The following ABCA13 variants were observed in gnomAD, a reference collection of about 807,000 sequenced individuals.
The protein encoded by ABCA13 is ATP-binding cassette sub-family A member 13.
A neutral mutation model predicts 478.7 loss-of-function variants in ABCA13; 476 were observed. That is an observed-to-expected ratio of 0.99 (90% CI 0.92 to 1.07). The LOEUF (loss-of-function observed/expected upper bound fraction) is 1.07, where lower values mean the gene tolerates loss of function less well. Ranked by LOEUF, ABCA13 falls within the 50% of genes least tolerant of loss-of-function variation. ABCA13 has a pLI of 0.00. For synonymous variants in ABCA13, 2,252 were observed against 2,158.9 expected, an observed-to-expected ratio of 1.04 and a Z score of -1.20; for missense variants, 6,060 against 5,910.6, an observed-to-expected ratio of 1.03 and a Z score of -0.83.
intron 1 of ABCA13, among the ~76,000 whole-genome samples, chr7:48,184,835 GT>G (rs1178695873): frequency 6.6e-6 from 1 of 152,048 alleles, no homozygotes; most frequent in Non-Finnish European, 1.5e-5. Flanking sequence ...TAAAAAGACA[GT>G]TTCTTTCACT....
chr7:48,412,632 A>G, intron 41 of ABCA13, 49 bp downstream of exon 41: 8 of 1,458,162 alleles, frequency 5.5e-6, no homozygotes, highest in Non-Finnish European at 7.4e-6. Flanking sequence ...CTTTTTGACC[A>G]GTCCACATTA....
chr7:48,246,966 A>G (rs1791789877), intron 13 of ABCA13, among the ~76,000 whole-genome samples: 2 of 152,026 alleles, frequency 1.3e-5, no homozygotes, highest in African/African-American at 4.8e-5. Context: ...TGGGCATAGT[A>G]GCTCATGCCT....
rs117092776 is a variant in ABCA13, at chr7:48,610,306, C to T, written c.14745-4979C>T. 1.2e-3 allele frequency among the ~76,000 whole-genome samples: 185 copies of T among 152,332 alleles called. 1 individual carries two copies. In the East Asian group the frequency reaches 0.017, roughly 14 times the overall value. Reference sequence around the variant, plus strand: ...AAATTTTAAAGCTCCAAAATAATCTCCTTTGATTCCATGTCCCACATTCAG... The same window carrying T: ...AAATTTTAAAGCTCCAAAATAATCTTCTTTGATTCCATGTCCCACATTCAG... On this transcript the variant is annotated intron_variant, in intron 58 of 61. Transcript: ENST00000435803.
rs1219074677 is a variant in ABCA13 at position 48,524,131 on chromosome 7, C to T, written c.14052-117C>T. The T allele has an allele frequency of 4.4e-6, 4 of 916,616 alleles. No homozygotes were observed. In the African/African-American group the frequency reaches 5.1e-5, roughly 12 times the overall value. The allele number at this position is 916,616 out of a possible 1,614,324, so 56.8% of individuals were successfully genotyped here. On this transcript the variant is annotated intron_variant, in intron 53 of 61. Coordinates refer to ENST00000435803, the MANE Select transcript of ABCA13 (RefSeq NM_152701.5). ...GGGTGCTCTGGACAAAGCTGACTGC[C>T]CAGAAGTCCGAAGGTGATATCTTCA...
chr7:48,523,761 A>G (rs1832711983), intron 53 of ABCA13, among the ~76,000 whole-genome samples: 1 of 152,152 alleles, frequency 6.6e-6, no homozygotes, highest in African/African-American at 2.4e-5. Context: ...ATACTTACTG[A>G]ATACTTTTTG....
chr7:48,565,359 C>T (rs1786940682), intron 55 of ABCA13, among the ~76,000 whole-genome samples: 1 of 151,536 alleles, frequency 6.6e-6, no homozygotes, highest in African/African-American at 2.4e-5. Flanking sequence ...TTTGTGACGT[C>T]TCCCTCAGCC....
At chr7:48,268,449 A>G (rs59539486) in intron 15 of ABCA13, among the ~76,000 whole-genome samples, 21,359 of 152,138 alleles carry the variant, frequency 0.14, 1,556 homozygotes, top group Middle Eastern at 0.19. Flanking sequence ...GTGAGCCACC[A>G]CACCCGGACA....
chr7:48,477,258 G>A (rs542305496), intron 45 of ABCA13, among the ~76,000 whole-genome samples: 49 of 152,250 alleles, frequency 3.2e-4, no homozygotes, highest in Non-Finnish European at 6.0e-4. Context: ...TGGAGAGGAT[G>A]TGGAGAAATA....
chr7:48,271,687 A>C, intron 16 of ABCA13, 100 bp from the exon 17 acceptor site: 1 of 714,372 alleles, frequency 1.4e-6, no homozygotes, highest in Non-Finnish European at 2.0e-6. Context: ...TAAATGTTTC[A>C]TTTGTGTTTT....
chr7:48,492,047 G>A (rs1206544403), intron 48 of ABCA13, among the ~76,000 whole-genome samples: 1 of 152,140 alleles, frequency 6.6e-6, no homozygotes, highest in Non-Finnish European at 1.5e-5. Context: ...TTCAGCAGAT[G>A]TACACATTCT....
At chr7:48,355,523 A>C (rs1336175334) in intron 31 of ABCA13, among the ~76,000 whole-genome samples, 4 of 152,010 alleles carry the variant, frequency 2.6e-5, no homozygotes, top group Non-Finnish European at 4.4e-5. Flanking sequence ...TCTGACTTAT[A>C]CTGTAAAAGT....
intron 19 of ABCA13, among the ~76,000 whole-genome samples, chr7:48,284,856 A>T (rs747611804): frequency 5.9e-5 from 9 of 152,188 alleles, no homozygotes; most frequent in South Asian, 4.1e-4. Context: ...AGTTAAAGGG[A>T]TGGGGTGGAA....
intron 29 of ABCA13, among the ~76,000 whole-genome samples, chr7:48,344,325 G>C (rs1428156868): frequency 6.6e-6 from 1 of 152,192 alleles, no homozygotes; most frequent in African/African-American, 2.4e-5. Flanking sequence ...TAGGGCCTAG[G>C]TTGAGAAACT....
intron 31 of ABCA13, among the ~76,000 whole-genome samples, chr7:48,358,764 C>G (rs1335174816): frequency 6.6e-6 from 1 of 151,986 alleles, no homozygotes; most frequent in Non-Finnish European, 1.5e-5. Flanking sequence ...AAAGTGGCAG[C>G]ACTGGGTTGC....
chr7:48,292,959 A>G lies in ABCA13; in HGVS notation c.8956-2741A>G, dbSNP rs1041348682. Among the ~76,000 whole-genome samples, 3 of 152,212 alleles carry G rather than the reference A, an allele frequency of 2.0e-5. 1 individual carries two copies. Among genetic ancestry groups the G allele is most frequent in the South Asian group, 4.1e-4 (2 of 4,832 alleles). On this transcript the variant is annotated intron_variant, in intron 20 of 61. Coordinates refer to ENST00000435803, the MANE Select transcript of ABCA13 (RefSeq NM_152701.5). ...TTTGAATGAATGAATGAACAGTCCT[A>G]TAGGATTTCTGTTCAAGTTCCACTC...
chr7:48,214,156 C>T lies in ABCA13; in HGVS notation c.288-5198C>T, dbSNP rs559400363. 2.6e-5 allele frequency among the ~76,000 whole-genome samples: 4 copies of T among 152,314 alleles called. No individual in the cohort carries two copies. The South Asian group carries it at 8.3e-4, about 32-fold the overall frequency. On this transcript the variant is annotated intron_variant, in intron 3 of 61. Coordinates refer to ENST00000435803, the MANE Select transcript of ABCA13 (RefSeq NM_152701.5). ...ATCTCCTTGTACGTCTTCATTGGAA[C>T]TCTTGGATAACTGGCTGCATGGTCA...
At chr7:48,502,194 C>T (rs763716940) in intron 48 of ABCA13, among the ~76,000 whole-genome samples, 1 of 152,134 alleles carries the variant, frequency 6.6e-6, no homozygotes, top group Non-Finnish European at 1.5e-5. Flanking sequence ...GAATTACTAA[C>T]TACAGGAGCA....
intron 55 of ABCA13, among the ~76,000 whole-genome samples, chr7:48,544,284 C>A (rs1163510661): frequency 6.6e-6 from 1 of 151,808 alleles, no homozygotes; most frequent in Middle Eastern, 3.4e-3. Context: ...ATTTCCAAGC[C>A]TACAACTCCT....
In ABCA13 at chr7:48,274,378, C is replaced by T. The variant is rs372531068; in HGVS notation, c.4712C>T (p.Ser1571Phe). Residue 1571 changes from serine (S) to phenylalanine (F), a missense_variant, in exon 17 of 62, where the codon TCT (serine) becomes TTT (phenylalanine). Transcript: ENST00000435803. ...TTTAACATCCTGGAAAATAATTCCTCTTCTAAAACTGAAAACTTGTTAAAC... is the reference window on the plus strand; with the variant it reads ...TTTAACATCCTGGAAAATAATTCCTTTTCTAAAACTGAAAACTTGTTAAAC... ...IYFNILENNS[S>F]SKTENLLNIF... The T allele has an allele frequency of 5.0e-6, 8 of 1,612,828 alleles. No individual in the cohort carries two copies. In the African/African-American group the frequency reaches 8.0e-5, roughly 16 times the overall value.
Sources: gnomAD v4.1 joint callset for allele counts (sites outside exome capture counted in the v4.1 genomes callset) on GRCh38, gnomAD v4.1.1 for gene constraint, MANE v1.5 for transcripts, NCBI Gene and HGNC (gene_info 2026-07-23, HGNC 2026-07-21) for gene names.